Variants in CCDC32 observed in about 807,000 individuals in gnomAD.
CCDC32 encodes the protein coiled-coil domain containing 32, also known as coiled-coil domain-containing protein 32.
Under a neutral mutation model 20.1 loss-of-function variants are expected in CCDC32, and 9 were observed. The ratio of observed to expected loss-of-function variants is 0.45; its 90% confidence interval spans 0.27 to 0.78. CCDC32 has a LOEUF of 0.78. Among genes scored for constraint, CCDC32 ranks in the 30% least tolerant of loss-of-function variants. The pLI is 0.16. For missense variants in CCDC32, 204 were observed against 215.5 expected (o/e 0.95, Z 0.33); for synonymous variants, 63 against 79.0 (o/e 0.80, Z 1.07).
downstream of CCDC32, among the ~76,000 whole-genome samples, chr15:40,551,216 A>G (rs980487591): frequency 2.6e-5 from 4 of 152,106 alleles, no homozygotes; most frequent in African/African-American, 9.7e-5. Flanking sequence ...CCCCGTCTCT[A>G]CTAAAAATAC....
At chr15:40,554,271 A>G (rs1451844681) in intron 3 of CCDC32, 144 bp from the exon 4 acceptor site, 4 of 1,208,654 alleles carry the variant, frequency 3.3e-6, no homozygotes, top group Admixed American at 2.7e-5. Flanking sequence ...ACTGGGAAGT[A>G]CAAGGATACT....
downstream of CCDC32, among the ~76,000 whole-genome samples, chr15:40,549,944 G>A (rs894180363): frequency 1.3e-5 from 2 of 152,202 alleles, no homozygotes; most frequent in African/African-American, 4.8e-5. Context: ...TGGTCCTGGT[G>A]GGCAGGTCTG....
downstream of CCDC32, chr15:40,552,771 CAAAAAAAAAAAAA>C (rs10675441): frequency 5.2e-3 from 361 of 68,828 alleles, 6 homozygotes; most frequent in African/African-American, 0.017. Flanking sequence ...AGTGCGACCT[CAAAAAAAAAAAAA>C]AAAAAAAAAA....
chr15:40,549,180 C>A (rs1334414291), downstream of CCDC32, among the ~76,000 whole-genome samples: 1 of 152,154 alleles, frequency 6.6e-6, no homozygotes, highest in East Asian at 1.9e-4. Context: ...TTAAAATCAG[C>A]CATTAGCTCC....
rs1346841492 is a variant in CCDC32 at position 40,544,189 on chromosome 15, C to G, written c.402-4834G>C. On this transcript the variant is annotated intron_variant, in intron 3 of 3. Transcript: ENST00000558113. ...CCAATGATGAGCATGTGACCCAGGC[C>G]AAGCCAATCTGAGTCCCTCCCCTGG... is the stretch of plus-strand genomic sequence containing the variant. 2.0e-5 allele frequency among the ~76,000 whole-genome samples: 3 copies of G among 152,034 alleles called. No homozygotes were observed. The East Asian group carries it at 5.8e-4, about 29-fold the overall frequency.
Position 40,540,547 on chromosome 15 carries a change from T to G in CCDC32, c.402-1192A>C, listed in dbSNP as rs58990578. Among the ~76,000 whole-genome samples, 400 of 151,990 alleles carry G rather than the reference T, an allele frequency of 2.6e-3. 1 individual carries two copies. The highest frequency in any genetic ancestry group is 9.3e-3 in the African/African-American group (384 of 41,454). On this transcript the variant is annotated intron_variant, in intron 3 of 3. Transcript: ENST00000558113. ...CATGCCTGGGTAATTTTTTGTATTT[T>G]TAGTAGAAACAGGGTTTCACCATGC...
chr15:40,535,661 C>T, downstream of CCDC32: 2 of 985,256 alleles, frequency 2.0e-6, no homozygotes, highest in South Asian at 4.7e-5. Context: ...CACCAGGCTC[C>T]TTGCTAAGTC....
At chr15:40,543,656 T>C (rs1458302275) in intron 3 of CCDC32, among the ~76,000 whole-genome samples, 5 of 152,154 alleles carry the variant, frequency 3.3e-5, no homozygotes, top group Admixed American at 6.6e-5. Flanking sequence ...AGTTTCCCCA[T>C]ATTGGCCAGG....
chr15:40,539,458 C>T (rs532205672), intron 3 of CCDC32: 5 of 1,022,000 alleles, frequency 4.9e-6, no homozygotes, highest in African/African-American at 3.2e-5. Flanking sequence ...ATAGGAGCAC[C>T]GAGAGTGCGA....
chr15:40,559,236 C>T (rs1890459852), intron 2 of CCDC32, among the ~76,000 whole-genome samples: 2 of 152,184 alleles, frequency 1.3e-5, no homozygotes, highest in Admixed American at 1.3e-4. Context: ...TTACAGGCAT[C>T]TACCACTTCA....
At chr15:40,559,772 T>G (rs959443100) in intron 2 of CCDC32, among the ~76,000 whole-genome samples, 2 of 152,194 alleles carry the variant, frequency 1.3e-5, no homozygotes, top group Non-Finnish European at 2.9e-5. Context: ...CTTTCCTTCC[T>G]CAAAAAATTA....
intron 2 of CCDC32, among the ~76,000 whole-genome samples, chr15:40,561,698 G>A (rs1002106148): frequency 7.3e-5 from 11 of 151,446 alleles, no homozygotes; most frequent in African/African-American, 2.7e-4. Flanking sequence ...AAAAGCTATT[G>A]AAATAAAAAA....
chr15:40,559,618 CTA>C (rs1890485198), intron 2 of CCDC32, among the ~76,000 whole-genome samples: 1 of 152,186 alleles, frequency 6.6e-6, no homozygotes, highest in African/African-American at 2.4e-5. Flanking sequence ...ATCACTCCAC[CTA>C]TGTTTTTCTC....
At chr15:40,532,722 T>C (rs867515788), downstream of CCDC32, among the ~76,000 whole-genome samples, 316 of 140,240 alleles carry the variant, frequency 2.3e-3, no homozygotes, top group East Asian at 0.02. Flanking sequence ...TTCTTTTTTT[T>C]TTTTTTTTTT....
chr15:40,546,403 G>A (rs2141619056), intron 3 of CCDC32, among the ~76,000 whole-genome samples: 1 of 152,010 alleles, frequency 6.6e-6, no homozygotes, highest in African/African-American at 2.4e-5. Context: ...TGCCCAGGCT[G>A]GTCTCAAACT....
chr15:40,557,312 C>T lies in CCDC32; in HGVS notation c.305G>A (p.Arg102Gln), dbSNP rs139886034. 6.1e-5 allele frequency: 98 copies of T among 1,613,990 alleles called. No individual in the cohort carries two copies. The highest frequency in any genetic ancestry group is 8.0e-5 in the African/African-American group (6 of 74,928). The change falls in exon 3 of 4, where the codon CGA (arginine) becomes CAA (glutamine). Residue 102 changes from arginine (R) to glutamine (Q), a missense_variant. Transcript: ENST00000416810. The part of the protein sequence containing the change: ...NQEVTSKDML[R>Q]TLAQAKKECW... ...TTCCTTCTTGGCTTGGGCCAGAGTT[C>T]GAAGCATGTCCTTGGAAGTCACTTC...
Position 40,557,324 on chromosome 15 carries a change from T to C in CCDC32, c.293A>G (p.Lys98Arg). Residue 98 changes from lysine to arginine, a missense_variant, in exon 3 of 4, where the codon AAG (lysine) becomes AGG (arginine). Physicochemically the swap from Lys to Arg is conservative, Grantham distance 26 (BLOSUM62 2). Transcript: ENST00000416810. ...TTGGGCCAGAGTTCGAAGCATGTCC[T>C]TGGAAGTCACTTCCTGATTTAAACC... ...IKGLNQEVTSKDMLRTLAQAK... is the reference protein window; with the variant it reads ...IKGLNQEVTSRDMLRTLAQAK... The C allele has an allele frequency of 1.2e-6, 2 of 1,614,062 alleles. No homozygotes were observed. The highest frequency in any genetic ancestry group is 1.7e-6 in the Non-Finnish European group (2 of 1,179,992).
At chr15:40,521,411 T>C in the CCDC32 span, among the ~76,000 whole-genome samples, 1 of 152,194 alleles carries the variant, frequency 6.6e-6, no homozygotes, top group Admixed American at 6.5e-5. Context: ...CCAAATAATA[T>C]TCCATTGTAT....
intron 1 of CCDC32, among the ~76,000 whole-genome samples, chr15:40,564,096 A>T (rs1313790620): frequency 6.6e-6 from 1 of 152,176 alleles, no homozygotes; most frequent in East Asian, 1.9e-4. Flanking sequence ...CTGGGATTAC[A>T]GGCGTGAGCC....
Sources: gnomAD v4.1 joint callset for allele counts (sites outside exome capture counted in the v4.1 genomes callset) on GRCh38, gnomAD v4.1.1 for gene constraint, MANE v1.5 for transcripts, NCBI Gene and HGNC (gene_info 2026-07-23, HGNC 2026-07-21) for gene names.